The following CACNA2D1 variants were observed in gnomAD, a reference collection of about 807,000 sequenced individuals.
The protein encoded by CACNA2D1 is calcium voltage-gated channel auxiliary subunit alpha2delta 1.
CACNA2D1 carries 53 observed loss-of-function variants against 171.5 expected under a neutral mutation model. That is an observed-to-expected ratio of 0.31 (90% CI 0.25 to 0.39). The LOEUF is 0.39. Among genes scored for constraint, CACNA2D1 ranks in the 10% least tolerant of loss-of-function variants. The pLI is 1.00. For synonymous variants in CACNA2D1, 442 were observed against 443.1 expected (o/e 1.00, Z 0.03); for missense variants, 903 against 1,299.8 (o/e 0.69, Z 4.69).
At chr7:82,298,924 G>A (rs1812632749) in intron 3 of CACNA2D1, among the ~76,000 whole-genome samples, 1 of 151,910 alleles carries the variant, frequency 6.6e-6, no homozygotes, top group South Asian at 2.1e-4. Flanking sequence ...TTGGCCGGGC[G>A]TGGTGGCGGG....
At position 82,131,214 on chromosome 7, in the gene CACNA2D1, T is replaced by C. The variant is rs541553363; in HGVS notation, c.396+5421A>G. 7.1e-4 allele frequency among the ~76,000 whole-genome samples: 108 copies of C among 152,344 alleles called. 1 individual carries two copies. The highest frequency in any genetic ancestry group is 4.3e-3 in the South Asian group (21 of 4,830). On this transcript the variant is annotated intron_variant, in intron 5 of 38. Transcript: ENST00000356860. Reference sequence around the variant, plus strand: ...AACTGCAACCTACTTTAAAAGTATATTCTTGTAACTAATAACTGAGTCTCA... The same window carrying C: ...AACTGCAACCTACTTTAAAAGTATACTCTTGTAACTAATAACTGAGTCTCA...
intron 4 of CACNA2D1, among the ~76,000 whole-genome samples, chr7:82,146,054 A>G (rs2129097429): frequency 6.6e-6 from 1 of 152,104 alleles, no homozygotes; most frequent in South Asian, 2.1e-4. Flanking sequence ...TGTAAATTAA[A>G]GTATCACTTC....
chr7:82,317,921 T>C (rs545753820), intron 3 of CACNA2D1, among the ~76,000 whole-genome samples: 1 of 151,706 alleles, frequency 6.6e-6, no homozygotes, highest in South Asian at 2.1e-4. Flanking sequence ...TTTCCCAAGC[T>C]CTTTGTACTA....
At chr7:82,256,039 G>A (rs577517241) in intron 3 of CACNA2D1, among the ~76,000 whole-genome samples, 1 of 152,268 alleles carries the variant, frequency 6.6e-6, no homozygotes, top group South Asian at 2.1e-4. Context: ...CATTTTGAGA[G>A]GCCAAGGCAG....
intron 5 of CACNA2D1, among the ~76,000 whole-genome samples, chr7:82,126,037 T>G (rs538267996): frequency 6.6e-6 from 1 of 152,328 alleles, no homozygotes; most frequent in South Asian, 2.1e-4. Context: ...TAGACTGCCC[T>G]CTATGATCCA....
intron 3 of CACNA2D1, among the ~76,000 whole-genome samples, chr7:82,208,680 T>G (rs1325621776): frequency 1.3e-5 from 2 of 152,154 alleles, no homozygotes; most frequent in Non-Finnish European, 2.9e-5. Context: ...TCATTATCAT[T>G]ATCAAATTTT....
intron 3 of CACNA2D1, among the ~76,000 whole-genome samples, chr7:82,237,147 A>T (rs1370082838): frequency 6.6e-6 from 1 of 151,912 alleles, no homozygotes; most frequent in Non-Finnish European, 1.5e-5. Flanking sequence ...CCCTTATATA[A>T]ATTATGTAAA....
intron 4 of CACNA2D1, among the ~76,000 whole-genome samples, chr7:82,149,242 G>C (rs1319237373): frequency 6.6e-6 from 1 of 152,118 alleles, no homozygotes; most frequent in Non-Finnish European, 1.5e-5. Flanking sequence ...TGAATCATCT[G>C]ATGAATTATC....
chr7:82,001,861 T>A (rs37121), intron 18 of CACNA2D1: 3,390 of 189,584 alleles, frequency 0.018, 127 homozygotes, highest in African/African-American at 0.074. Context: ...GGTATGGAGT[T>A]CATGAGTCAA....
intron 3 of CACNA2D1, among the ~76,000 whole-genome samples, chr7:82,269,390 A>T (rs1585282125): frequency 6.6e-6 from 1 of 152,020 alleles, no homozygotes; most frequent in African/African-American, 2.4e-5. Context: ...GCTATACAAG[A>T]CCCTTCATTA....
chr7:82,099,276 T>C (rs1019204029), intron 6 of CACNA2D1, among the ~76,000 whole-genome samples: 9 of 152,136 alleles, frequency 5.9e-5, no homozygotes, highest in African/African-American at 1.7e-4. Flanking sequence ...GTCTTCAATT[T>C]TTCCCTTCCA....
intron 1 of CACNA2D1, among the ~76,000 whole-genome samples, chr7:82,438,572 T>C (rs917186): frequency 0.66 from 99,781 of 152,090 alleles, 33,780 homozygotes; most frequent in African/African-American, 0.83. Context: ...TCAGTGCACA[T>C]ACAAAAAAAT....
chr7:82,000,182 C>G (rs1489417163), intron 18 of CACNA2D1, among the ~76,000 whole-genome samples: 1 of 152,014 alleles, frequency 6.6e-6, no homozygotes, highest in African/African-American at 2.4e-5. Context: ...TCATATGAAC[C>G]CAGGAGGGAG....
intron 1 of CACNA2D1, among the ~76,000 whole-genome samples, chr7:82,392,571 G>T (rs1825249692): frequency 6.6e-6 from 1 of 152,102 alleles, no homozygotes; most frequent in Non-Finnish European, 1.5e-5. Flanking sequence ...CTGAGTGAGT[G>T]TAACACCTCC....
In CACNA2D1 at chr7:82,303,976, A is replaced by G. The variant is rs1156755777; in HGVS notation, c.294+31159T>C. Among the ~76,000 whole-genome samples the G allele has an allele frequency of 2.0e-5, 3 of 152,188 alleles. No homozygotes were observed. The East Asian group carries it at 5.8e-4, about 29-fold the overall frequency. On this transcript the variant is annotated intron_variant, in intron 3 of 38. Coordinates refer to ENST00000356860, the MANE Select transcript of CACNA2D1 (RefSeq NM_000722.4). ...AAACTATTAATCTGACAAGGGACTA[A>G]TATCAAGGATATATAAGGAACTCAA... is the stretch of plus-strand genomic sequence containing the variant.
chr7:82,082,415 T>G (rs1809912183), intron 7 of CACNA2D1, among the ~76,000 whole-genome samples: 1 of 152,104 alleles, frequency 6.6e-6, no homozygotes, highest in Non-Finnish European at 1.5e-5. Context: ...TCTTACTCAG[T>G]GTGGTTGAGT....
At chr7:82,425,315 G>C (rs1829073515) in intron 1 of CACNA2D1, among the ~76,000 whole-genome samples, 1 of 152,042 alleles carries the variant, frequency 6.6e-6, no homozygotes, top group Non-Finnish European at 1.5e-5. Flanking sequence ...AGAGGAGCAG[G>C]AAGTAGCCCC....
Position 81,955,980 on chromosome 7 carries a change from A to ATATT in CACNA2D1, c.3159+3294_3159+3295insAATA, listed in dbSNP as rs58075516. ...TGTTGCTATATATATATATATATATATTTTTTTTTTTTTTTTTTTTTTTTG... is the reference window on the plus strand; with the variant it reads ...TGTTGCTATATATATATATATATATATATTTTTTTTTTTTTTTTTTTTTTTTTTG... On this transcript the variant is annotated intron_variant, in intron 38 of 38. Transcript: ENST00000356860. Among the ~76,000 whole-genome samples, 7 of 34,554 alleles carry ATATT rather than the reference A, an allele frequency of 2.0e-4. No individual in the cohort carries two copies. The East Asian group carries it at 4.3e-3, about 21-fold the overall frequency. The allele number at this position is 34,554 out of a possible 152,430, so 22.7% of individuals were successfully genotyped here. A position where few individuals can be genotyped will look rare whatever the true frequency, so the allele number is the denominator to read the frequency against.
intron 1 of CACNA2D1, among the ~76,000 whole-genome samples, chr7:82,371,738 C>G (rs1009512200): frequency 1.3e-5 from 2 of 152,052 alleles, no homozygotes; most frequent in Non-Finnish European, 2.9e-5. Flanking sequence ...CCATCCCCGG[C>G]TATTTTTTGT....
Sources: gnomAD v4.1 joint callset for allele counts (sites outside exome capture counted in the v4.1 genomes callset) on GRCh38, gnomAD v4.1.1 for gene constraint, MANE v1.5 for transcripts, NCBI Gene and HGNC (gene_info 2026-07-23, HGNC 2026-07-21) for gene names.